The following CA5B variants were observed in gnomAD, a reference collection of about 807,000 sequenced individuals.
The protein encoded by CA5B is carbonic anhydrase 5B, also known as carbonic anhydrase 5B, mitochondrial.
Under a neutral mutation model 23.1 loss-of-function variants are expected in CA5B, and 15 were observed. That is an observed-to-expected ratio of 0.65 (90% CI 0.43 to 1.00). The LOEUF (loss-of-function observed/expected upper bound fraction) is 1.00, where lower values mean the gene tolerates loss of function less well. Ranked by LOEUF, CA5B falls within the 50% of genes least tolerant of loss-of-function variation. CA5B has a pLI of 0.00. For missense variants in CA5B, 236 were observed against 252.2 expected (o/e 0.94, Z 0.43); for synonymous variants, 84 against 98.5 (o/e 0.85, Z 0.87).
chrX:15,782,854 C>T lies in CA5B; in HGVS notation c.*190C>T. On this transcript the variant is annotated 3_prime_UTR_variant, in exon 8 of 8. Transcript: ENST00000318636. ...CAGCAAGAGACACAAGTTTCTCTTA[C>T]AGATACCTGTTGGTAATTGTAATGC... 2.8e-6 allele frequency: 1 copy of T among 359,005 alleles called. No individual in the cohort carries two copies. Among genetic ancestry groups the T allele is most frequent in the East Asian group, 4.5e-5 (1 of 22,018 alleles). 29.6% of individuals were successfully genotyped at this position (359,005 alleles called of 1,213,427 possible). A position where few individuals can be genotyped will look rare whatever the true frequency, so the allele number is the denominator to read the frequency against.
intron 2 of CA5B, among the ~76,000 whole-genome samples, chrX:15,761,437 T>A (rs1343235148): frequency 8.9e-6 from 1 of 112,185 alleles, no homozygotes; most frequent in Non-Finnish European, 1.9e-5. Context: ...TGGCCCAGAT[T>A]CCATTTCAGA....
At chrX:15,759,734 C>CTTTTTTTTTTTTTTTTT (rs56915078) in intron 2 of CA5B, among the ~76,000 whole-genome samples, 1 of 37,396 alleles carries the variant, frequency 2.7e-5, no homozygotes, top group African/African-American at 1.3e-4. Flanking sequence ...TTACTGACAC[C>CTTTTTTTTTTTTTTTTT]TTTTTTTTTT....
At chrX:15,757,949 G>A (rs1453777143) in intron 2 of CA5B, among the ~76,000 whole-genome samples, 3 of 110,915 alleles carry the variant, frequency 2.7e-5, no homozygotes, top group African/African-American at 9.8e-5. Context: ...TGACAAAGGT[G>A]GTTATTTAGG....
At position 15,782,731 on chromosome X, in the gene CA5B, C is replaced by A; in HGVS notation, c.*67C>A. On this transcript the variant is annotated 3_prime_UTR_variant, in exon 8 of 8. Transcript: ENST00000318636. ...ATACTAGCTTACTATAAATTGTTAA[C>A]TAGACTATTCTAAGTGCCTGCATTT... is the stretch of plus-strand genomic sequence containing the variant. 1 of 819,201 alleles carries A rather than the reference C, an allele frequency of 1.2e-6. No individual in the cohort carries two copies. The highest frequency in any genetic ancestry group is 1.7e-6 in the Non-Finnish European group (1 of 577,803). The allele number at this position is 819,201 out of a possible 1,213,427, so 67.5% of individuals were successfully genotyped here. A position where few individuals can be genotyped will look rare whatever the true frequency, so the allele number is the denominator to read the frequency against.
intron 1 of CA5B, among the ~76,000 whole-genome samples, chrX:15,740,279 G>T (rs1207957987): frequency 8.9e-6 from 1 of 112,239 alleles, no homozygotes; most frequent in African/African-American, 3.2e-5. Flanking sequence ...CTGAAATACA[G>T]TAATGTATGG....
At chrX:15,775,828 C>T (rs904770556) in intron 6 of CA5B, 72 of 737,413 alleles carry the variant, frequency 9.8e-5, no homozygotes, top group East Asian at 1.5e-4. Flanking sequence ...CACTGTATCC[C>T]TCTGGTCCCC....
At chrX:15,775,348 A>G in intron 6 of CA5B, 40 bp downstream of exon 6, 1 of 1,167,695 alleles carries the variant, frequency 8.6e-7, no homozygotes, top group African/African-American at 1.8e-5. Context: ...ATATACTTTT[A>G]TGTTTCAATC....
At chrX:15,760,049 C>T (rs1931572808) in intron 2 of CA5B, among the ~76,000 whole-genome samples, 2 of 110,369 alleles carry the variant, frequency 1.8e-5, no homozygotes, top group African/African-American at 6.6e-5. Flanking sequence ...CCACCGCACC[C>T]GGCCAACACT....
chrX:15,761,139 G>A (rs755317576), intron 2 of CA5B, among the ~76,000 whole-genome samples: 13 of 110,419 alleles, frequency 1.2e-4, no homozygotes, highest in Middle Eastern at 9.5e-3. Flanking sequence ...TGGCTGCTGC[G>A]TAGTTGCCAT....
intron 3 of CA5B, among the ~76,000 whole-genome samples, chrX:15,769,867 C>T (rs1931785390): frequency 8.9e-6 from 1 of 112,230 alleles, no homozygotes; most frequent in Non-Finnish European, 1.9e-5. Context: ...ATCCCTTTCT[C>T]TGTCAGCTCC....
intron 2 of CA5B, among the ~76,000 whole-genome samples, chrX:15,750,655 G>A (rs773811001): frequency 8.9e-6 from 1 of 111,885 alleles, no homozygotes; most frequent in African/African-American, 3.3e-5. Context: ...TAGCTTCAAC[G>A]TTCTGGAATA....
At chrX:15,758,973 G>A (rs1421493113) in intron 2 of CA5B, among the ~76,000 whole-genome samples, 1 of 111,851 alleles carries the variant, frequency 8.9e-6, no homozygotes, top group African/African-American at 3.2e-5. Flanking sequence ...CTGCACCTAT[G>A]TAATAAATGT....
intron 2 of CA5B, among the ~76,000 whole-genome samples, chrX:15,755,664 A>G (rs1172381068): frequency 3.6e-5 from 4 of 112,572 alleles, no homozygotes; most frequent in Non-Finnish European, 7.5e-5. Flanking sequence ...GGCCAGGTAC[A>G]GTGGCTCATG....
chrX:15,743,952 G>T (rs1376911578), intron 1 of CA5B, among the ~76,000 whole-genome samples: 1 of 111,846 alleles, frequency 8.9e-6, no homozygotes, highest in Non-Finnish European at 1.9e-5. Flanking sequence ...AGTGAGATCA[G>T]CACCATTCTG....
rs775729545 is a variant in CA5B, at chrX:15,776,815, C to T, written c.720C>T (p.Ser240=). ...YSGSLTTPPL[S]ESVTWIIKKQ... The stretch of plus-strand genomic sequence containing the variant: ...GGTCTCTGACTACCCCACCCCTCTC[C>T]GAGTCTGTCACCTGGATCATTAAGA... Residue 240 remains serine (S), a synonymous_variant, in exon 7 of 8, where the codon TCC becomes TCT. Transcript: ENST00000318636. 3.3e-6 allele frequency: 4 copies of T among 1,209,434 alleles called. No individual in the cohort carries two copies. The highest frequency in any genetic ancestry group is 1.8e-5 in the South Asian group (1 of 56,931).
At chrX:15,779,623 G>A (rs1290030754) in intron 7 of CA5B, among the ~76,000 whole-genome samples, 1 of 111,722 alleles carries the variant, frequency 9.0e-6, no homozygotes, top group African/African-American at 3.3e-5. Context: ...AATTGAGCAG[G>A]CATTTGGGGG....
intron 3 of CA5B, among the ~76,000 whole-genome samples, chrX:15,772,209 C>T (rs765902936): frequency 3.6e-5 from 4 of 112,146 alleles, no homozygotes; most frequent in South Asian, 3.6e-4. Flanking sequence ...TTTTATTGCA[C>T]ACAAAAGAAA....
chrX:15,773,974 T>A (rs1931871301), intron 4 of CA5B, among the ~76,000 whole-genome samples: 1 of 112,562 alleles, frequency 8.9e-6, no homozygotes, highest in Non-Finnish European at 1.9e-5. Context: ...TAGATGCAAG[T>A]GGATTTCGAA....
intron 2 of CA5B, among the ~76,000 whole-genome samples, chrX:15,751,538 G>T (rs1466699775): frequency 5.7e-5 from 6 of 105,886 alleles, no homozygotes; most frequent in Non-Finnish European, 9.6e-5. Flanking sequence ...TAATAGTTTT[G>T]CTTTTTTTTT....
Sources: allele counts gnomAD v4.1 joint callset (sites outside exome capture counted in the v4.1 genomes callset), GRCh38; gene constraint gnomAD v4.1.1; transcripts MANE v1.5; gene names NCBI Gene and HGNC (gene_info 2026-07-23, HGNC 2026-07-21).